The following NRG4 variants were observed in gnomAD, a reference collection of about 807,000 sequenced individuals.
NRG4 encodes the protein pro-neuregulin-4, membrane-bound isoform.
NRG4 carries 10 observed loss-of-function variants against 15.0 expected under a neutral mutation model. That is an observed-to-expected ratio of 0.67 (90% CI 0.41 to 1.13). NRG4 has a LOEUF of 1.13. Among genes scored for constraint, NRG4 ranks in the 50% most tolerant of loss-of-function variants. The pLI, the probability that NRG4 is intolerant of heterozygous loss-of-function variation, is 0.00. For missense variants in NRG4, 139 were observed against 140.2 expected (o/e 0.99, Z 0.04); for synonymous variants, 41 against 50.1 (o/e 0.82, Z 0.77).
chr15:76,044,757 C>T lies in NRG4; in HGVS notation c.-105+7310G>A, dbSNP rs892004346. On this transcript the variant is annotated intron_variant, in intron 4 of 8. Coordinates refer to the NRG4 transcript ENST00000563910. ...GGCTGAGGCTGAGGCAGGAGAATGG[C>T]ATGAACCTAGAAGACGGAGCTTGTA... is the stretch of plus-strand genomic sequence containing the variant. 1.1e-4 allele frequency among the ~76,000 whole-genome samples: 17 copies of T among 148,234 alleles called. 1 individual carries two copies. The highest frequency in any genetic ancestry group is 4.3e-4 in the African/African-American group (17 of 39,106).
intron 5 of NRG4, among the ~76,000 whole-genome samples, chr15:76,020,730 A>C (rs1036264916): frequency 6.6e-6 from 1 of 152,264 alleles, no homozygotes. Flanking sequence ...GCTGTAAGCC[A>C]AAGCCTAATC....
chr15:75,977,726 G>A lies in NRG4; in HGVS notation c.105-15752C>T, dbSNP rs541292047. 9.3e-4 allele frequency among the ~76,000 whole-genome samples: 141 copies of A among 152,312 alleles called. No individual in the cohort carries two copies. Among genetic ancestry groups the A allele is most frequent in the African/African-American group, 3.2e-3 (135 of 41,568 alleles). ...ATCACCTGCCTTCTGCATTGGTCTC[G>A]CTGGGAGCTGCAGACCAGAGCTGTT... is the stretch of plus-strand genomic sequence containing the variant. On this transcript the variant is annotated intron_variant, in intron 3 of 5. Coordinates refer to ENST00000394907, the MANE Select transcript of NRG4 (RefSeq NM_138573.4). The surrounding 1 kb of genome is among the most constrained non-coding windows in gnomAD (Gnocchi z 4.9).
chr15:75,978,192 C>T (rs764243215), intron 3 of NRG4, among the ~76,000 whole-genome samples: 6 of 152,084 alleles, frequency 3.9e-5, no homozygotes, highest in African/African-American at 7.2e-5. Flanking sequence ...CTTCATTTTC[C>T]CCACATCCAC....
At chr15:76,020,045 T>C (rs2035105263) in intron 5 of NRG4, among the ~76,000 whole-genome samples, 1 of 152,208 alleles carries the variant, frequency 6.6e-6, no homozygotes, top group Admixed American at 6.5e-5. Flanking sequence ...TATTATTCTA[T>C]CGGTTATGGT....
chr15:75,998,889 T>TAAATTC (rs145761945), intron 3 of NRG4, among the ~76,000 whole-genome samples: 5,617 of 152,294 alleles, frequency 0.037, 180 homozygotes, highest in African/African-American at 0.085. Flanking sequence ...TTTAATTTTT[T>TAAATTC]ATATTCTTCT....
At chr15:76,058,877 CATTA>C (rs1479153911) in intron 1 of NRG4, among the ~76,000 whole-genome samples, 1 of 152,162 alleles carries the variant, frequency 6.6e-6, no homozygotes, top group Non-Finnish European at 1.5e-5. Flanking sequence ...CCCTTGCAAA[CATTA>C]ATTAGAGTAG....
Position 76,009,300 on chromosome 15 carries a change from C to CA in NRG4, c.11-8dup, listed in dbSNP as rs1322756577. ...CCACAGGGCTCTTCGTGATCTAGAACACATACATATATAAAATAGAGAAAA... is the reference window on the plus strand; with the variant it reads ...CCACAGGGCTCTTCGTGATCTAGAACAACATACATATATAAAATAGAGAAAA... On this transcript the variant is annotated splice_region_variant and splice_polypyrimidine_tract_variant and intron_variant, in intron 2 of 5. Transcript: ENST00000394907. 1 of 1,438,342 alleles carries CA rather than the reference C, an allele frequency of 7.0e-7. No homozygotes were observed. Among genetic ancestry groups the CA allele is most frequent in the African/African-American group, 1.4e-5 (1 of 69,048 alleles). The allele number at this position is 1,438,342 out of a possible 1,614,324, so 89.1% of individuals were successfully genotyped here. A position where few individuals can be genotyped will look rare whatever the true frequency, so the allele number is the denominator to read the frequency against.
intron 3 of NRG4, among the ~76,000 whole-genome samples, chr15:75,998,965 C>T (rs912991822): frequency 2.0e-5 from 3 of 152,114 alleles, no homozygotes; most frequent in East Asian, 1.9e-4. Flanking sequence ...AAGGGAGTGC[C>T]GCAAAAACTA....
intron 3 of NRG4, among the ~76,000 whole-genome samples, chr15:76,006,792 C>A (rs115341861): frequency 6.6e-6 from 1 of 152,168 alleles, no homozygotes; most frequent in African/African-American, 2.4e-5. Flanking sequence ...ACACTAAAAA[C>A]GCATCTATCC....
chr15:75,968,585 TA>T (rs71140190), intron 3 of NRG4, among the ~76,000 whole-genome samples: 245 of 99,126 alleles, frequency 2.5e-3, no homozygotes, highest in Middle Eastern at 5.7e-3. Flanking sequence ...AAACTCCATC[TA>T]AAAAAAAAAA....
At chr15:75,961,474 A>T (rs1011416523) in intron 4 of NRG4, among the ~76,000 whole-genome samples, 1 of 152,226 alleles carries the variant, frequency 6.6e-6, no homozygotes, top group African/African-American at 2.4e-5. Flanking sequence ...TCTTAAGCTA[A>T]CATGTACAGT....
At chr15:76,031,121 T>C (rs1363373776) in intron 5 of NRG4, among the ~76,000 whole-genome samples, 1 of 152,102 alleles carries the variant, frequency 6.6e-6, no homozygotes, top group Non-Finnish European at 1.5e-5. Context: ...AAAGATTATA[T>C]TGTCACCTCA....
In NRG4 at chr15:76,011,255, T is replaced by C. The variant is rs1397121041; in HGVS notation, c.-25A>G. ...TCTTAATTTGTAAATAGTTTCATTC[T>C]TGGTCAAGAGAGTAGGGTTGAAAAA... On this transcript the variant is annotated 5_prime_UTR_variant, in exon 2 of 6. Coordinates refer to ENST00000394907, the MANE Select transcript of NRG4 (RefSeq NM_138573.4). 3 of 1,447,014 alleles carry C rather than the reference T, an allele frequency of 2.1e-6. No homozygotes were observed. The highest frequency in any genetic ancestry group is 2.7e-6 in the Non-Finnish European group (3 of 1,091,800). The allele number at this position is 1,447,014 out of a possible 1,614,324, so 89.6% of individuals were successfully genotyped here. A position where few individuals can be genotyped will look rare whatever the true frequency, so the allele number is the denominator to read the frequency against.
intron 5 of NRG4, among the ~76,000 whole-genome samples, chr15:76,024,154 C>T (rs2035239383): frequency 6.6e-6 from 1 of 152,244 alleles, no homozygotes; most frequent in Non-Finnish European, 1.5e-5. Flanking sequence ...ACATGTAAGT[C>T]TTGGGCCTAA....
chr15:76,003,684 A>G (rs2034494088), intron 3 of NRG4, among the ~76,000 whole-genome samples: 1 of 152,184 alleles, frequency 6.6e-6, no homozygotes, highest in Non-Finnish European at 1.5e-5. Context: ...TGAAAGCAGC[A>G]AGAAAAGTGA....
At chr15:76,055,453 T>C (rs1219297853) in intron 2 of NRG4, among the ~76,000 whole-genome samples, 1 of 152,202 alleles carries the variant, frequency 6.6e-6, no homozygotes, top group Non-Finnish European at 1.5e-5. Flanking sequence ...GTGCTACCAT[T>C]GTTTACAAAG....
chr15:75,990,139 T>C (rs564166765), intron 3 of NRG4, among the ~76,000 whole-genome samples: 2 of 152,282 alleles, frequency 1.3e-5, no homozygotes, highest in African/African-American at 4.8e-5. Flanking sequence ...TTCCCAGAAG[T>C]TCTTTGCGCA....
downstream of NRG4, chr15:75,939,983 A>G (rs576729266): frequency 6.6e-6 from 1 of 152,256 alleles, no homozygotes; most frequent in African/African-American, 2.4e-5. Context: ...CACCATTCCT[A>G]TTCAACACAG....
chr15:76,030,035 G>C (rs2035432118), intron 5 of NRG4, among the ~76,000 whole-genome samples: 2 of 152,154 alleles, frequency 1.3e-5, no homozygotes, highest in Non-Finnish European at 2.9e-5. Flanking sequence ...AAGGCGGGTG[G>C]ATCACAAGGT....
Sources: allele counts gnomAD v4.1 joint callset (sites outside exome capture counted in the v4.1 genomes callset), GRCh38; gene constraint gnomAD v4.1.1; non-coding constraint Gnocchi (gnomAD v3.1); transcripts MANE v1.5; gene names NCBI Gene and HGNC (gene_info 2026-07-23, HGNC 2026-07-21).